Variants in BAIAP2L1 observed in about 807,000 individuals in gnomAD.
BAIAP2L1 encodes the protein BAR/IMD domain containing adaptor protein 2 like 1.
BAIAP2L1 carries 35 observed loss-of-function variants against 66.3 expected under a neutral mutation model. The ratio of observed to expected loss-of-function variants is 0.53; its 90% confidence interval spans 0.40 to 0.70. The LOEUF is 0.70. Among genes scored for constraint, BAIAP2L1 ranks in the 30% least tolerant of loss-of-function variants. BAIAP2L1 has a pLI of 0.00. For synonymous variants in BAIAP2L1, 269 were observed against 248.7 expected (o/e 1.08, Z -0.77); for missense variants, 622 against 656.9 (o/e 0.95, Z 0.58).
At chr7:98,370,046 G>A (rs913183574) in intron 1 of BAIAP2L1, among the ~76,000 whole-genome samples, 1 of 151,860 alleles carries the variant, frequency 6.6e-6, no homozygotes. Flanking sequence ...ACAAATGAAT[G>A]AGAACTTCCA....
intron 3 of BAIAP2L1, among the ~76,000 whole-genome samples, chr7:98,348,044 G>A (rs368363958): frequency 6.6e-6 from 1 of 151,942 alleles, no homozygotes; most frequent in African/African-American, 2.4e-5. Context: ...GTAGATGACC[G>A]GTTAATGGGT....
In BAIAP2L1 at chr7:98,292,819, G is replaced by C. The variant is rs1800025098; in HGVS notation, c.*702C>G. 2 of 1,487,758 alleles carry C rather than the reference G, an allele frequency of 1.3e-6. No homozygotes were observed. Among genetic ancestry groups the C allele is most frequent in the Non-Finnish European group, 1.8e-6 (2 of 1,116,532 alleles). 92.2% of individuals were successfully genotyped at this position (1,487,758 alleles called of 1,614,324 possible). ...ACGCCCAGGCCTGTGTCCTGGATGG[G>C]CCGTGTGCAGCGAATCCGTTGGCGA... On this transcript the variant is annotated 3_prime_UTR_variant, in exon 14 of 14. Coordinates refer to ENST00000005260, the MANE Select transcript of BAIAP2L1 (RefSeq NM_018842.5).
intron 3 of BAIAP2L1, among the ~76,000 whole-genome samples, chr7:98,351,813 A>T (rs188310867): frequency 6.6e-6 from 1 of 152,334 alleles, no homozygotes; most frequent in Admixed American, 6.5e-5. Context: ...GCAGTGAGTG[A>T]GCCGATGCCA....
intron 3 of BAIAP2L1, among the ~76,000 whole-genome samples, chr7:98,333,139 C>T (rs1397482925): frequency 6.6e-6 from 1 of 152,148 alleles, no homozygotes; most frequent in Non-Finnish European, 1.5e-5. Context: ...CATCCCACCC[C>T]TTCTATCACT....
chr7:98,341,338 T>G (rs1005947476), intron 3 of BAIAP2L1, among the ~76,000 whole-genome samples: 11 of 151,924 alleles, frequency 7.2e-5, no homozygotes, highest in South Asian at 2.1e-4. Context: ...ATCCTTTATT[T>G]TGCTGAACTC....
Position 98,294,128 on chromosome 7 carries a change from G to A in BAIAP2L1, c.1423-17C>T. Reference sequence around the variant, plus strand: ...GGCATCGTTCTGTGAGAAAGATAAAGAAGTTTATGGAGGGCTTAGAATTGG... The same window carrying A: ...GGCATCGTTCTGTGAGAAAGATAAAAAAGTTTATGGAGGGCTTAGAATTGG... On this transcript the variant is annotated splice_polypyrimidine_tract_variant and intron_variant, in intron 12 of 13. Transcript: ENST00000005260. 1 of 1,613,004 alleles carries A rather than the reference G, an allele frequency of 6.2e-7. No homozygotes were observed. The highest frequency in any genetic ancestry group is 8.5e-7 in the Non-Finnish European group (1 of 1,178,980).
chr7:98,345,825 C>T (rs930091756), intron 3 of BAIAP2L1, among the ~76,000 whole-genome samples: 1 of 151,860 alleles, frequency 6.6e-6, no homozygotes, highest in African/African-American at 2.4e-5. Flanking sequence ...TGCTCAATGT[C>T]GTTAGTCACT....
In BAIAP2L1 at chr7:98,397,318, CTTTTTTTTTTTTT is replaced by C. The variant is rs36101597; in HGVS notation, c.51+3471_51+3483del. 5.4e-5 allele frequency among the ~76,000 whole-genome samples: 4 copies of C among 74,522 alleles called. No individual in the cohort carries two copies. In the Admixed American group the frequency reaches 5.6e-4, roughly 11 times the overall value. 48.9% of individuals were successfully genotyped at this position (74,522 alleles called of 152,430 possible). ...CCGTTCTTCCTCCACTTCTTAAGCC[CTTTTTTTTTTTTT>C]TTTTTTTTTTTGAGATGGAGTCTCG... On this transcript the variant is annotated intron_variant, in intron 1 of 13. Transcript: ENST00000005260.
At chr7:98,394,876 C>G (rs2115859626) in intron 1 of BAIAP2L1, among the ~76,000 whole-genome samples, 1 of 152,322 alleles carries the variant, frequency 6.6e-6, no homozygotes, top group South Asian at 2.1e-4. Flanking sequence ...CTTTGGGAAG[C>G]CGAGGCAGGC....
chr7:98,325,220 T>C (rs889687272), intron 3 of BAIAP2L1, among the ~76,000 whole-genome samples: 2 of 151,674 alleles, frequency 1.3e-5, no homozygotes, highest in Admixed American at 6.6e-5. Context: ...CTGTCTCTAC[T>C]CAAAATACAA....
chr7:98,300,054 T>A (rs187371416), intron 12 of BAIAP2L1, among the ~76,000 whole-genome samples: 1 of 152,172 alleles, frequency 6.6e-6, no homozygotes, highest in African/African-American at 2.4e-5. Context: ...AATAAATAAA[T>A]AAACAAACAA....
At chr7:98,382,303 G>C (rs1802777662) in intron 1 of BAIAP2L1, among the ~76,000 whole-genome samples, 1 of 152,136 alleles carries the variant, frequency 6.6e-6, no homozygotes, top group Non-Finnish European at 1.5e-5. Context: ...CAGCCCATCT[G>C]AGAAGGTAAC....
At position 98,355,049 on chromosome 7, in the gene BAIAP2L1, A is replaced by G. The variant is rs375902485; in HGVS notation, c.207T>C (p.Thr69=). The G allele has an allele frequency of 1.2e-6, 2 of 1,612,600 alleles. No homozygotes were observed. Among genetic ancestry groups the G allele is most frequent in the South Asian group, 1.1e-5 (1 of 91,064 alleles). The part of the protein sequence containing the change: ...GEIATGSPVS[T]ELGHVLIEIS... ...AAGGGACAGATCGCTCACCCAGTTC[A>G]GTTGACACGGGGGACCCAGTGGCAA... is the stretch of plus-strand genomic sequence containing the variant. The change falls in exon 3 of 14, where the codon ACT becomes ACC. Residue 69 remains threonine (T), a synonymous_variant. Coordinates refer to ENST00000005260, the MANE Select transcript of BAIAP2L1 (RefSeq NM_018842.5).
chr7:98,392,878 C>CGCCTCCCAACCTCT (rs1408838360), intron 1 of BAIAP2L1, among the ~76,000 whole-genome samples: 4 of 151,816 alleles, frequency 2.6e-5, no homozygotes, highest in Non-Finnish European at 5.9e-5. Context: ...CTGCAACCTC[C>CGCCTCCCAACCTCT]GCCTCCCAGG....
chr7:98,362,351 A>G lies in BAIAP2L1; in HGVS notation c.127+6T>C, dbSNP rs1339458811. On this transcript the variant is annotated splice_donor_region_variant and intron_variant, in intron 2 of 13. Coordinates refer to ENST00000005260, the MANE Select transcript of BAIAP2L1 (RefSeq NM_018842.5). ...ATATATAATCAATTCAGAAAAACAG[A>G]CTTACCGTTTACAGCTTTCTCATAA... 6.3e-7 allele frequency: 1 copy of G among 1,598,006 alleles called. No homozygotes were observed. Among genetic ancestry groups the G allele is most frequent in the South Asian group, 1.1e-5 (1 of 89,792 alleles).
At chr7:98,363,278 G>A (rs1459287136) in intron 1 of BAIAP2L1, among the ~76,000 whole-genome samples, 3 of 151,794 alleles carry the variant, frequency 2.0e-5, no homozygotes, top group Admixed American at 2.0e-4. Context: ...CAGGTTATCC[G>A]CGTACCTTGG....
chr7:98,303,374 C>G (rs1250926109), intron 12 of BAIAP2L1, among the ~76,000 whole-genome samples: 1 of 152,166 alleles, frequency 6.6e-6, no homozygotes, highest in African/African-American at 2.4e-5. Flanking sequence ...CACCACCCAG[C>G]CTCCTCCCCT....
chr7:98,382,043 A>T (rs1802772592), intron 1 of BAIAP2L1, among the ~76,000 whole-genome samples: 1 of 150,346 alleles, frequency 6.7e-6, no homozygotes, highest in South Asian at 2.1e-4. Flanking sequence ...CTCCTGCCTC[A>T]GCCTCCTGAG....
rs376044758 is a variant in BAIAP2L1 at position 98,300,036 on chromosome 7, G to A, written c.1422+4160C>T. Among the ~76,000 whole-genome samples the A allele has an allele frequency of 2.2e-4, 34 of 152,264 alleles. No individual in the cohort carries two copies. The South Asian group carries it at 5.6e-3, about 25-fold the overall frequency. ...AGCCTGGGCGACAGAGCAAGACTCC[G>A]TCTCATAAATAAATAAATAAACAAA... On this transcript the variant is annotated intron_variant, in intron 12 of 13. Coordinates refer to ENST00000005260, the MANE Select transcript of BAIAP2L1 (RefSeq NM_018842.5).
Sources: gnomAD v4.1 joint callset for allele counts (sites outside exome capture counted in the v4.1 genomes callset) on GRCh38, gnomAD v4.1.1 for gene constraint, MANE v1.5 for transcripts, NCBI Gene and HGNC (gene_info 2026-07-23, HGNC 2026-07-21) for gene names.